The following GRID1 variants were observed in gnomAD, a reference collection of about 807,000 sequenced individuals.
The protein encoded by GRID1 is glutamate receptor ionotropic, delta-1.
In GRID1, 28 loss-of-function variants were observed where a neutral mutation model predicts 98.0. The ratio of observed to expected loss-of-function variants is 0.29; its 90% CI spans 0.21 to 0.39. The LOEUF (loss-of-function observed/expected upper bound fraction) is 0.39. Among genes scored for constraint, GRID1 ranks in the 10% least tolerant of loss-of-function variants. GRID1 has a pLI of 1.00. For missense variants in GRID1, 1,111 were observed against 1,340.5 expected, an observed-to-expected ratio of 0.83 and a Z score of 2.67; for synonymous variants, 553 against 538.5, an observed-to-expected ratio of 1.03 and a Z score of -0.37.
chr10:86,010,394 C>A (rs1842910062), intron 4 of GRID1, among the ~76,000 whole-genome samples: 1 of 152,174 alleles, frequency 6.6e-6, no homozygotes, highest in South Asian at 2.1e-4. Flanking sequence ...GGCCATAATA[C>A]TGTATGTTTG....
intron 8 of GRID1, among the ~76,000 whole-genome samples, chr10:85,743,520 T>C (rs1458011847): frequency 1.3e-5 from 2 of 152,252 alleles, no homozygotes; most frequent in East Asian, 3.9e-4. Flanking sequence ...ATATGTGGAA[T>C]TGGCTTTGAG....
intron 2 of GRID1, among the ~76,000 whole-genome samples, chr10:86,207,574 T>A (rs1846045894): frequency 6.6e-6 from 1 of 150,946 alleles, no homozygotes; most frequent in Admixed American, 6.6e-5. Flanking sequence ...GAAGCAAACA[T>A]CTCTTACTAA....
intron 12 of GRID1, among the ~76,000 whole-genome samples, chr10:85,693,009 C>T (rs75430692): frequency 0.01 from 1,544 of 152,154 alleles, 30 homozygotes; most frequent in African/African-American, 0.034. Flanking sequence ...GATGAATAAG[C>T]GATGACTGAC....
At chr10:86,198,497 T>A (rs1845906314) in intron 3 of GRID1, among the ~76,000 whole-genome samples, 1 of 152,110 alleles carries the variant, frequency 6.6e-6, no homozygotes, top group Admixed American at 6.5e-5. Flanking sequence ...GAGTAGTAAG[T>A]GTTACTGAGC....
chr10:86,056,141 C>T (rs1235453889), intron 4 of GRID1, among the ~76,000 whole-genome samples: 2 of 152,176 alleles, frequency 1.3e-5, no homozygotes, highest in African/African-American at 4.8e-5. Flanking sequence ...TCAAATTTCT[C>T]AGCCACACCC....
intron 4 of GRID1, among the ~76,000 whole-genome samples, chr10:86,010,757 G>T (rs1842914903): frequency 6.6e-6 from 1 of 150,600 alleles, no homozygotes; most frequent in Non-Finnish European, 1.5e-5. Context: ...GGAAGAGGTT[G>T]CAGAGAGCTG....
At chr10:85,959,288 C>T (rs1842234925) in intron 4 of GRID1, among the ~76,000 whole-genome samples, 1 of 152,214 alleles carries the variant, frequency 6.6e-6, no homozygotes, top group Non-Finnish European at 1.5e-5. Flanking sequence ...CCTGCCCTGT[C>T]CTGGCCAAAC....
chr10:85,869,303 C>T, intron 5 of GRID1, 123 bp from the exon 6 acceptor site: 2 of 774,070 alleles, frequency 2.6e-6, no homozygotes, highest in South Asian at 1.6e-5. Context: ...AGGGATTGGG[C>T]CCAGGTCACA....
chr10:86,363,827 C>G lies in GRID1; in HGVS notation c.235+114G>C, dbSNP rs560455823. 35 of 889,026 alleles carry G rather than the reference C, an allele frequency of 3.9e-5. No homozygotes were observed. The South Asian group carries it at 4.7e-4, about 12-fold the overall frequency. The allele number at this position is 889,026 out of a possible 1,614,324, so 55.1% of individuals were successfully genotyped here. A position where few individuals can be genotyped will look rare whatever the true frequency, so the allele number is the denominator to read the frequency against. ...CCACCGCGCATGGCACCGCGGCTGC[C>G]GAGGAACAGAGGGTGCCCTGCGCAG... On this transcript the variant is annotated intron_variant, in intron 2 of 15. Transcript: ENST00000327946.
intron 3 of GRID1, among the ~76,000 whole-genome samples, chr10:86,148,403 T>C (rs1042431171): frequency 2.0e-5 from 3 of 151,968 alleles, no homozygotes; most frequent in Non-Finnish European, 4.4e-5. Flanking sequence ...CACTTATAAG[T>C]GGAATGTGAA....
chr10:85,613,300 G>A (rs1842753042), intron 15 of GRID1, 107 bp downstream of exon 15: 4 of 1,097,620 alleles, frequency 3.6e-6, no homozygotes, highest in Non-Finnish European at 3.9e-6. Context: ...CTCCAGACAA[G>A]ATGACTCAGG....
In GRID1 at chr10:86,364,005, G is replaced by A. The variant is rs1194764208; in HGVS notation, c.171C>T (p.Ser57=). The change falls in exon 2 of 16, where the codon AGC becomes AGT. Residue 57 remains serine, a synonymous_variant. Transcript: ENST00000327946. Reference sequence around the variant, plus strand: ...CCTTGATGGAGTAGGTGATCTTCTCGCTCTGCAGGATGTCATCGTTGAGGC... The same window carrying A: ...CCTTGATGGAGTAGGTGATCTTCTCACTCTGCAGGATGTCATCGTTGAGGC... ...DLSLNDDILQ[S]EKITYSIKVI... 1.2e-6 allele frequency: 2 copies of A among 1,613,784 alleles called. No individual in the cohort carries two copies. The highest frequency in any genetic ancestry group is 1.3e-5 in the African/African-American group (1 of 74,932).
intron 3 of GRID1, among the ~76,000 whole-genome samples, chr10:86,201,683 TA>T (rs1482641024): frequency 7.9e-6 from 1 of 127,374 alleles, no homozygotes; most frequent in Non-Finnish European, 1.7e-5. Flanking sequence ...CCACTAAGCC[TA>T]AAATAAAAGT....
intron 2 of GRID1, among the ~76,000 whole-genome samples, chr10:86,353,929 G>T (rs1377388878): frequency 6.6e-6 from 1 of 152,252 alleles, no homozygotes; most frequent in Admixed American, 6.5e-5. Context: ...ACTGGAGATG[G>T]GGCACTGTTG....
At chr10:85,993,786 C>A (rs1842709359) in intron 4 of GRID1, among the ~76,000 whole-genome samples, 1 of 152,178 alleles carries the variant, frequency 6.6e-6, no homozygotes, top group Non-Finnish European at 1.5e-5. Context: ...AGTAAAATTA[C>A]ATTATATACC....
At chr10:86,207,488 C>A (rs911988799) in intron 2 of GRID1, among the ~76,000 whole-genome samples, 1 of 152,110 alleles carries the variant, frequency 6.6e-6, no homozygotes, top group Non-Finnish European at 1.5e-5. Context: ...TAGCCACGTG[C>A]GTACACTTTT....
chr10:86,335,441 C>T (rs897836984), intron 2 of GRID1, among the ~76,000 whole-genome samples: 1 of 152,218 alleles, frequency 6.6e-6, no homozygotes, highest in African/African-American at 2.4e-5. Flanking sequence ...TGCAGGACTT[C>T]TCAGAGCCTT....
chr10:86,138,954 C>T lies in GRID1; in HGVS notation c.591G>A (p.Val197=), dbSNP rs1354019575. 2.5e-6 allele frequency: 4 copies of T among 1,614,104 alleles called. No homozygotes were observed. Among genetic ancestry groups the T allele is most frequent in the Admixed American group, 1.7e-5 (1 of 60,022 alleles). ...TGAATACGTGGCTAATGTTCTTGTC[C>T]ACCTTTTGTAAAGAGACGTCAAGGC... The part of the protein sequence containing the change: ...RLGLDVSLQK[V]DKNISHVFTS... Residue 197 remains valine, a synonymous_variant, in exon 4 of 16, where the codon GTG becomes GTA. Coordinates refer to ENST00000327946, the MANE Select transcript of GRID1 (RefSeq NM_017551.3).
At chr10:85,795,650 A>G (rs1842519637) in intron 8 of GRID1, among the ~76,000 whole-genome samples, 1 of 152,214 alleles carries the variant, frequency 6.6e-6, no homozygotes, top group South Asian at 2.1e-4. Flanking sequence ...AAGACAGAAA[A>G]CAGGAAGTGG....
Sources: gnomAD v4.1 joint callset for allele counts (sites outside exome capture counted in the v4.1 genomes callset) on GRCh38, gnomAD v4.1.1 for gene constraint, MANE v1.5 for transcripts, NCBI Gene and HGNC (gene_info 2026-07-23, HGNC 2026-07-21) for gene names.